Variants in UBE2E3 observed in about 807,000 individuals in gnomAD.
UBE2E3 encodes the protein ubiquitin conjugating enzyme E2 E3.
In UBE2E3, 5 loss-of-function variants were observed where a neutral mutation model predicts 23.6. That is an observed-to-expected ratio of 0.21 (90% CI 0.11 to 0.44). The LOEUF is 0.44. UBE2E3 is among the 20% of genes least tolerant of loss of function. The pLI is 0.99. For synonymous variants in UBE2E3, 78 were observed against 87.5 expected (o/e 0.89, Z 0.60); for missense variants, 81 against 249.8 (o/e 0.32, Z 4.55).
intron 3 of UBE2E3, among the ~76,000 whole-genome samples, chr2:181,039,123 CTTTTTTTT>C (rs11289425): frequency 1.5e-5 from 1 of 66,258 alleles, no homozygotes; most frequent in Non-Finnish European, 2.8e-5. Context: ...AGAATGTGAC[CTTTTTTTT>C]TTTTTTTTTT....
chr2:181,049,481 G>A (rs996461742), intron 3 of UBE2E3, among the ~76,000 whole-genome samples: 6 of 152,008 alleles, frequency 3.9e-5, no homozygotes, highest in African/African-American at 1.4e-4. Context: ...TAAGTGTACA[G>A]TACTTTGCAA....
chr2:181,052,660 A>G (rs1465436784), intron 3 of UBE2E3, among the ~76,000 whole-genome samples: 1 of 151,742 alleles, frequency 6.6e-6, no homozygotes, highest in African/African-American at 2.4e-5. Flanking sequence ...AGTCCTTTTT[A>G]TTGTCTAGCA....
intron 3 of UBE2E3, among the ~76,000 whole-genome samples, chr2:181,002,633 T>C (rs897950042): frequency 6.6e-6 from 1 of 152,162 alleles, no homozygotes; most frequent in Non-Finnish European, 1.5e-5. Context: ...ATATGAAAAA[T>C]TACTAATGTA....
intron 3 of UBE2E3, among the ~76,000 whole-genome samples, chr2:181,054,243 ATATGTT>A (rs1255280180): frequency 2.0e-5 from 3 of 151,824 alleles, no homozygotes; most frequent in Non-Finnish European, 4.4e-5. Flanking sequence ...TTATGGTAAG[ATATGTT>A]TATGTTTGTA....
At chr2:181,047,293 G>C (rs1223467828) in intron 3 of UBE2E3, among the ~76,000 whole-genome samples, 2 of 152,044 alleles carry the variant, frequency 1.3e-5, no homozygotes, top group Non-Finnish European at 2.9e-5. Flanking sequence ...CTCATCTCAG[G>C]TATCATCTCG....
chr2:181,011,764 A>T (rs1439833414), intron 3 of UBE2E3, among the ~76,000 whole-genome samples: 1 of 152,012 alleles, frequency 6.6e-6, no homozygotes, highest in Non-Finnish European at 1.5e-5. Context: ...TCATACCATT[A>T]TTTGTTGTTT....
At position 180,981,972 on chromosome 2, in the gene UBE2E3, C is replaced by T. The variant is rs966384904; in HGVS notation, c.-25-46C>T. ...GAAGAAAATGCTGTTGGTTTATTTCCTAGATTTAACATTTTCTCCTCCTCC... is the reference window on the plus strand; with the variant it reads ...GAAGAAAATGCTGTTGGTTTATTTCTTAGATTTAACATTTTCTCCTCCTCC... On this transcript the variant is annotated intron_variant, in intron 1 of 5. Coordinates refer to ENST00000410062, the MANE Select transcript of UBE2E3 (RefSeq NM_006357.4). 44 of 1,384,092 alleles carry T rather than the reference C, an allele frequency of 3.2e-5. No individual in the cohort carries two copies. In the South Asian group the frequency reaches 4.9e-4, roughly 15 times the overall value. 85.7% of individuals were successfully genotyped at this position (1,384,092 alleles called of 1,614,324 possible).
chr2:180,989,333 C>T (rs1277057574), intron 3 of UBE2E3, among the ~76,000 whole-genome samples: 2 of 152,082 alleles, frequency 1.3e-5, no homozygotes, highest in African/African-American at 4.8e-5. Flanking sequence ...CCTTACTTCA[C>T]ATGGTGCTTT....
chr2:181,051,617 A>C (rs1686847466), intron 3 of UBE2E3, among the ~76,000 whole-genome samples: 1 of 151,892 alleles, frequency 6.6e-6, no homozygotes, highest in South Asian at 2.1e-4. Flanking sequence ...GAAAAGTCGT[A>C]TCAACATTAG....
At chr2:181,060,003 C>G (rs1687097511) in intron 4 of UBE2E3, among the ~76,000 whole-genome samples, 1 of 151,424 alleles carries the variant, frequency 6.6e-6, no homozygotes, top group Non-Finnish European at 1.5e-5. Context: ...GATTTATCTT[C>G]TTTTCTCACA....
At chr2:181,032,488 G>A (rs1686114544) in intron 3 of UBE2E3, among the ~76,000 whole-genome samples, 1 of 152,062 alleles carries the variant, frequency 6.6e-6, no homozygotes, top group African/African-American at 2.4e-5. Flanking sequence ...AAGTTTCAAA[G>A]AAACATTTGA....
intron 3 of UBE2E3, among the ~76,000 whole-genome samples, chr2:181,021,606 T>TCCTC (rs1574190924): frequency 1.3e-5 from 1 of 78,490 alleles, no homozygotes; most frequent in Non-Finnish European, 2.4e-5. Context: ...CTCCCTTCCT[T>TCCTC]CCTTCCTCCC....
intron 3 of UBE2E3, among the ~76,000 whole-genome samples, chr2:181,002,446 C>T (rs547442026): frequency 1.3e-5 from 2 of 152,198 alleles, no homozygotes; most frequent in South Asian, 4.1e-4. Context: ...TGAAGACAAA[C>T]TTAGGAATGA....
At chr2:180,994,232 T>G (rs1261300740) in intron 3 of UBE2E3, among the ~76,000 whole-genome samples, 1 of 152,168 alleles carries the variant, frequency 6.6e-6, no homozygotes, top group Non-Finnish European at 1.5e-5. Flanking sequence ...ACGTTGCAAT[T>G]ATCACTTTTC....
chr2:181,059,142 C>G (rs1453814537), intron 4 of UBE2E3, among the ~76,000 whole-genome samples: 1 of 151,650 alleles, frequency 6.6e-6, no homozygotes, highest in African/African-American at 2.4e-5. Flanking sequence ...TTAGTGTTCA[C>G]TCTGTTGCTG....
chr2:181,021,851 T>C (rs1685713725), intron 3 of UBE2E3, among the ~76,000 whole-genome samples: 1 of 152,044 alleles, frequency 6.6e-6, no homozygotes, highest in East Asian at 1.9e-4. Flanking sequence ...AAAATACTTC[T>C]GGGTTTTGCT....
intron 3 of UBE2E3, among the ~76,000 whole-genome samples, chr2:181,026,809 T>G (rs1197630673): frequency 1.3e-5 from 2 of 151,958 alleles, no homozygotes; most frequent in African/African-American, 4.8e-5. Flanking sequence ...TTAGATCTAT[T>G]GAACAGATAT....
intron 3 of UBE2E3, among the ~76,000 whole-genome samples, chr2:181,003,136 T>C (rs577208597): frequency 1.3e-5 from 2 of 152,370 alleles, no homozygotes; most frequent in East Asian, 3.9e-4. Context: ...GGAAGTATAA[T>C]ATATGTGCCT....
intron 3 of UBE2E3, among the ~76,000 whole-genome samples, chr2:181,033,441 A>G (rs980713210): frequency 2.0e-5 from 3 of 152,340 alleles, no homozygotes; most frequent in African/African-American, 7.2e-5. Flanking sequence ...AGGATTTCCT[A>G]TTTAATAAAT....
Sources: allele counts gnomAD v4.1 joint callset (sites outside exome capture counted in the v4.1 genomes callset), GRCh38; gene constraint gnomAD v4.1.1; transcripts MANE v1.5; gene names NCBI Gene and HGNC (gene_info 2026-07-23, HGNC 2026-07-21).